Variants in UGT2B7 observed in about 807,000 individuals in gnomAD.
The protein encoded by UGT2B7 is UDP-glucuronosyltransferase 2B7.
UGT2B7 carries 51 observed loss-of-function variants against 51.9 expected under a neutral mutation model. The observed-to-expected ratio is 0.98, with a 90% CI of 0.78 to 1.24. The LOEUF is 1.24. Among genes scored for constraint, UGT2B7 ranks in the 50% most tolerant of loss-of-function variants. The pLI is 0.00. For missense variants in UGT2B7, 727 were observed against 628.4 expected (o/e 1.16, Z -1.68); for synonymous variants, 225 against 211.6 (o/e 1.06, Z -0.55).
chr4:69,094,130 T>TAAGGCATATAAAAAG (rs1577919650), upstream of UGT2B7, among the ~76,000 whole-genome samples: 3 of 60,820 alleles, frequency 4.9e-5, no homozygotes, highest in Admixed American at 1.6e-4. Flanking sequence ...TTTTGGTTTC[T>TAAGGCATATAAAAAG]TTTTTTTTTT....
chr4:69,096,508 G>A lies in UGT2B7; in HGVS notation c.-13G>A, dbSNP rs1285214031. 17 of 1,613,460 alleles carry A rather than the reference G, an allele frequency of 1.1e-5. No homozygotes were observed. Among genetic ancestry groups the A allele is most frequent in the Non-Finnish European group, 1.4e-5 (17 of 1,179,694 alleles). ...GAACAGCAACTGGAAAACAAGCATT[G>A]CATTGCACCAGGATGTCTGTGAAAT... On this transcript the variant is annotated 5_prime_UTR_variant, in exon 1 of 6. Transcript: ENST00000305231.
At chr4:69,055,940 A>G (rs1417542108) in intron 1 of UGT2B7, among the ~76,000 whole-genome samples, 1 of 152,210 alleles carries the variant, frequency 6.6e-6, no homozygotes, top group Non-Finnish European at 1.5e-5. Flanking sequence ...AAAGAAATCC[A>G]TTCAGTAAAT....
intron 2 of UGT2B7, 23 bp from the exon 3 acceptor site, chr4:69,102,784 T>A (rs770463702): frequency 1.1e-5 from 17 of 1,609,814 alleles, no homozygotes; most frequent in Admixed American, 1.7e-5. Context: ...TCTTTTGTGA[T>A]GAAGCAAATT....
At chr4:69,085,701 T>A (rs1378612970) in intron 1 of UGT2B7, among the ~76,000 whole-genome samples, 1 of 151,988 alleles carries the variant, frequency 6.6e-6, no homozygotes, top group Non-Finnish European at 1.5e-5. Flanking sequence ...ACTGCTTCAG[T>A]CTTGTTACTC....
At chr4:69,053,552 ACT>A (rs1420484760) in intron 1 of UGT2B7, among the ~76,000 whole-genome samples, 1 of 151,994 alleles carries the variant, frequency 6.6e-6, no homozygotes, top group Non-Finnish European at 1.5e-5. Context: ...CTGCATGGTA[ACT>A]CTTTTCCAGG....
Position 69,064,130 on chromosome 4 carries a change from AAG to A in UGT2B7, c.-159+12530_-159+12531del, listed in dbSNP as rs200136714. Among the ~76,000 whole-genome samples, 846 of 151,250 alleles carry A rather than the reference AAG, an allele frequency of 5.6e-3. 14 individuals carry two copies. The highest frequency in any genetic ancestry group is 0.02 in the African/African-American group (818 of 40,998). Reference sequence around the variant, plus strand: ...AGAAAGAAAAAGAAAGAAAGAAAGAAAGAAAGAAAAACAAAATTAAAAAGAGA... The same window carrying A: ...AGAAAGAAAAAGAAAGAAAGAAAGAAAAAGAAAAACAAAATTAAAAAGAGA... On this transcript the variant is annotated intron_variant, in intron 1 of 5. Coordinates refer to the UGT2B7 transcript ENST00000502942.
upstream of UGT2B7, among the ~76,000 whole-genome samples, chr4:69,096,119 C>A (rs939631156): frequency 1.3e-5 from 2 of 152,100 alleles, no homozygotes; most frequent in Non-Finnish European, 2.9e-5. Context: ...TACATGTCAA[C>A]AAAGTTTACA....
chr4:69,102,914 A>T lies in UGT2B7; in HGVS notation c.978A>T (p.Ser326=), dbSNP rs1169629925. 4 of 1,613,398 alleles carry T rather than the reference A, an allele frequency of 2.5e-6. No homozygotes were observed. The highest frequency in any genetic ancestry group is 3.4e-6 in the Non-Finnish European group (4 of 1,179,614). ...AAGAAAGGGCCAACGTAATTGCATC[A>T]GCCCTGGCCCAGATCCCACAAAAGG... The part of the protein sequence containing the change: ...MTEERANVIA[S]ALAQIPQKVL... The change falls in exon 3 of 6, where the codon TCA becomes TCT. Residue 326 remains serine (S), a synonymous_variant. Transcript: ENST00000305231.
At chr4:69,104,497 C>A (rs1214390624) in intron 3 of UGT2B7, among the ~76,000 whole-genome samples, 1 of 151,832 alleles carries the variant, frequency 6.6e-6, no homozygotes, top group African/African-American at 2.4e-5. Context: ...AAACTTCCTG[C>A]CTAAAAATTT....
intron 1 of UGT2B7, among the ~76,000 whole-genome samples, chr4:69,079,214 G>A (rs1017350683): frequency 6.6e-6 from 1 of 152,186 alleles, no homozygotes; most frequent in African/African-American, 2.4e-5. Context: ...GGGACAACAG[G>A]AAGCTGCACC....
intron 1 of UGT2B7, among the ~76,000 whole-genome samples, chr4:69,051,807 T>C (rs1487990058): frequency 6.6e-6 from 1 of 152,258 alleles, no homozygotes; most frequent in East Asian, 1.9e-4. Context: ...ACCTTTGTTC[T>C]GGTTTTGACT....
In UGT2B7 at chr4:69,096,819, T is replaced by G; in HGVS notation, c.299T>G (p.Leu100Arg). 6.2e-7 allele frequency: 1 copy of G among 1,613,878 alleles called. No homozygotes were observed. Among genetic ancestry groups the G allele is most frequent in the Non-Finnish European group, 8.5e-7 (1 of 1,179,896 alleles). Residue 100 changes from leucine (L) to arginine (R), a missense_variant, in exon 1 of 6, where the codon CTT (leucine) becomes CGT (arginine). Coordinates refer to ENST00000305231, the MANE Select transcript of UGT2B7 (RefSeq NM_001074.4). ...IMQQIKRWSD[L>R]PKDTFWLYFS... ...CAACAGATTAAGAGATGGTCAGACC[T>G]TCCAAAAGATACATTTTGGTTATAT...
intron 1 of UGT2B7, among the ~76,000 whole-genome samples, chr4:69,058,451 AG>A (rs1473845910): frequency 6.6e-6 from 1 of 152,228 alleles, no homozygotes; most frequent in African/African-American, 2.4e-5. Flanking sequence ...GACCCCGACT[AG>A]GACCCAAATG....
At chr4:69,109,979 A>G (rs1719726229) in intron 5 of UGT2B7, among the ~76,000 whole-genome samples, 1 of 149,966 alleles carries the variant, frequency 6.7e-6, no homozygotes, top group South Asian at 2.1e-4. Flanking sequence ...GGACAAATAG[A>G]AAAAAAATAT....
intron 5 of UGT2B7, among the ~76,000 whole-genome samples, chr4:69,110,087 A>G (rs906887180): frequency 2.6e-5 from 4 of 152,092 alleles, no homozygotes; most frequent in Non-Finnish European, 4.4e-5. Flanking sequence ...AAGACATAAA[A>G]CATTTGAAGA....
intron 1 of UGT2B7, among the ~76,000 whole-genome samples, chr4:69,051,898 T>C (rs1432361143): frequency 6.6e-6 from 1 of 152,238 alleles, no homozygotes; most frequent in Non-Finnish European, 1.5e-5. Flanking sequence ...GTTTTGATTT[T>C]GGTTTGGTAT....
intron 3 of UGT2B7, among the ~76,000 whole-genome samples, chr4:69,104,187 T>C (rs888058825): frequency 5.9e-5 from 9 of 152,070 alleles, no homozygotes; most frequent in African/African-American, 2.2e-4. Flanking sequence ...CTCGGGAGGC[T>C]GGGGCAGGAG....
chr4:69,054,632 G>A (rs559549382), intron 1 of UGT2B7, among the ~76,000 whole-genome samples: 36 of 152,012 alleles, frequency 2.4e-4, no homozygotes, highest in Admixed American at 5.9e-4. Context: ...CCCAACCTCC[G>A]AGACAATCCT....
upstream of UGT2B7, among the ~76,000 whole-genome samples, chr4:69,093,431 A>G (rs1461476249): frequency 6.6e-6 from 1 of 152,148 alleles, no homozygotes; most frequent in Non-Finnish European, 1.5e-5. Flanking sequence ...AAGCCAGTGG[A>G]TCTTATCCTG....
Sources: gnomAD v4.1 joint callset for allele counts (sites outside exome capture counted in the v4.1 genomes callset) on GRCh38, gnomAD v4.1.1 for gene constraint, MANE v1.5 for transcripts, NCBI Gene and HGNC (gene_info 2026-07-23, HGNC 2026-07-21) for gene names.